PDE1A: variants seen among roughly 807,000 people sequenced by gnomAD.
PDE1A encodes dual specificity calcium/calmodulin-dependent 3',5'-cyclic nucleotide phosphodiesterase 1A.
PDE1A carries 35 observed loss-of-function variants against 61.7 expected under a neutral mutation model. The observed-to-expected ratio is 0.57, with a 90% CI of 0.43 to 0.75. PDE1A has a LOEUF of 0.75. Among genes scored for constraint, PDE1A ranks in the 30% least tolerant of loss-of-function variants. The probability of loss-of-function intolerance (pLI) is 0.00; values close to 1 mark genes in which losing one functional copy is unlikely to be tolerated. For synonymous variants in PDE1A, 232 were observed against 213.2 expected, an observed-to-expected ratio of 1.09 and a Z score of -0.77; for missense variants, 597 against 630.6, an observed-to-expected ratio of 0.95 and a Z score of 0.57.
At chr2:182,240,437 A>T (rs1690411800) in intron 2 of PDE1A, 145 bp from the exon 3 acceptor site, 1 of 489,038 alleles carries the variant, frequency 2.0e-6, no homozygotes, top group Non-Finnish European at 3.4e-6. Context: ...AGAAAGAAAA[A>T]AAATTCATTA....
chr2:182,630,137 C>T, the PDE1A span, among the ~76,000 whole-genome samples: 2 of 151,890 alleles, frequency 1.3e-5, no homozygotes, highest in Non-Finnish European at 2.9e-5. Context: ...CATTTTTTTT[C>T]CAAATCTATT....
At chr2:182,167,829 ATTTT>A (rs5836826), downstream of PDE1A, 5 of 695,630 alleles carry the variant, frequency 7.2e-6, no homozygotes, top group African/African-American at 9.8e-5. Context: ...GTAAAAGATA[ATTTT>A]TTTTTTTAAT....
chr2:182,472,854 A>G (rs62190680), intron 2 of PDE1A, among the ~76,000 whole-genome samples: 24,655 of 151,804 alleles, frequency 0.16, 2,472 homozygotes, highest in Middle Eastern at 0.31. Context: ...TTAAATAAAT[A>G]CATTTAGAGC....
the PDE1A span, among the ~76,000 whole-genome samples, chr2:182,663,218 T>C: frequency 6.6e-6 from 1 of 152,176 alleles, no homozygotes; most frequent in Non-Finnish European, 1.5e-5. Context: ...AAGGAACACT[T>C]ATACATTGTT....
intron 1 of PDE1A, among the ~76,000 whole-genome samples, chr2:182,334,265 G>GACACACAC (rs746376417): frequency 6.7e-6 from 1 of 149,058 alleles, no homozygotes; most frequent in Non-Finnish European, 1.5e-5. Flanking sequence ...AACCCTGGAA[G>GACACACAC]AGACACACAC....
chr2:182,516,781 G>T (rs974720205), intron 2 of PDE1A, among the ~76,000 whole-genome samples: 1 of 113,184 alleles, frequency 8.8e-6, no homozygotes, highest in Non-Finnish European at 1.8e-5. Flanking sequence ...AAGAAAGAAA[G>T]AAAAAGAAAG....
At chr2:182,690,393 G>A in the PDE1A span, among the ~76,000 whole-genome samples, 137 of 152,174 alleles carry the variant, frequency 9.0e-4, no homozygotes, top group Middle Eastern at 3.4e-3. Flanking sequence ...ATCAATAAAC[G>A]TAATCCAGCA....
chr2:182,587,057 G>C, the PDE1A span, among the ~76,000 whole-genome samples: 1 of 152,174 alleles, frequency 6.6e-6, no homozygotes, highest in South Asian at 2.1e-4. Context: ...CAAGAAAGAT[G>C]AGTGGTAATT....
chr2:182,446,480 T>C (rs1685142612), intron 2 of PDE1A, among the ~76,000 whole-genome samples: 1 of 152,068 alleles, frequency 6.6e-6, no homozygotes, highest in Non-Finnish European at 1.5e-5. Flanking sequence ...TGGTCAGGAG[T>C]GGCTACTACA....
upstream of PDE1A, among the ~76,000 whole-genome samples, chr2:182,527,371 T>C (rs938103179): frequency 6.1e-4 from 48 of 78,258 alleles, 2 homozygotes; most frequent in Middle Eastern, 6.8e-3. Flanking sequence ...TATATATATA[T>C]ATACACATAT....
At chr2:182,697,673 A>G in the PDE1A span, among the ~76,000 whole-genome samples, 7 of 152,260 alleles carry the variant, frequency 4.6e-5, no homozygotes, top group Non-Finnish European at 7.3e-5. Flanking sequence ...TGAGAAGCAG[A>G]CCAAGAGAGG....
chr2:182,144,369 T>C (rs1690384062), downstream of PDE1A, among the ~76,000 whole-genome samples: 1 of 152,214 alleles, frequency 6.6e-6, no homozygotes, highest in Non-Finnish European at 1.5e-5. Flanking sequence ...CCATTCCATT[T>C]TATTTCCTTT....
intron 2 of PDE1A, among the ~76,000 whole-genome samples, chr2:182,459,268 T>G (rs1158625999): frequency 6.6e-6 from 1 of 152,060 alleles, no homozygotes; most frequent in Non-Finnish European, 1.5e-5. Flanking sequence ...CTTAACATCT[T>G]AAGAGAGAAG....
intron 1 of PDE1A, among the ~76,000 whole-genome samples, chr2:182,337,971 A>G (rs1057384143): frequency 6.6e-6 from 1 of 152,200 alleles, no homozygotes; most frequent in Non-Finnish European, 1.5e-5. Context: ...TCTATATCAC[A>G]TAGGTATGTT....
chr2:182,169,914 A>ACG (rs1553520054), intron 13 of PDE1A, among the ~76,000 whole-genome samples: 10 of 101,712 alleles, frequency 9.8e-5, no homozygotes, highest in South Asian at 6.6e-4. Flanking sequence ...ACACACACAC[A>ACG]CACACACGCA....
chr2:182,453,105 G>T (rs1036274444), intron 2 of PDE1A, among the ~76,000 whole-genome samples: 6 of 152,102 alleles, frequency 3.9e-5, no homozygotes, highest in Admixed American at 1.3e-4. Context: ...GTGACCAGAA[G>T]TGACTTGACG....
chr2:182,206,166 C>G, intron 7 of PDE1A, 101 bp from the exon 8 acceptor site: 1 of 810,250 alleles, frequency 1.2e-6, no homozygotes. Flanking sequence ...CAGAAAACAT[C>G]CTATAATTGA....
chr2:182,543,147 C>A, the PDE1A span, among the ~76,000 whole-genome samples: 1 of 152,176 alleles, frequency 6.6e-6, no homozygotes, highest in South Asian at 2.1e-4. Context: ...TGCTTTATAC[C>A]TGCACTATAT....
intron 2 of PDE1A, among the ~76,000 whole-genome samples, chr2:182,497,065 A>T (rs184862809): frequency 3.7e-4 from 57 of 152,310 alleles, no homozygotes; most frequent in African/African-American, 1.3e-3. Flanking sequence ...GTGAAAAAAA[A>T]TTTTAATTTA....
Sources: allele counts gnomAD v4.1 joint callset (sites outside exome capture counted in the v4.1 genomes callset), GRCh38; gene constraint gnomAD v4.1.1; transcripts MANE v1.5; gene names NCBI Gene and HGNC (gene_info 2026-07-23, HGNC 2026-07-21).